TMEM163: variants seen among roughly 807,000 people sequenced by gnomAD.
TMEM163 encodes the protein transmembrane protein 163.
Under a neutral mutation model 29.3 loss-of-function variants are expected in TMEM163, and 17 were observed. The ratio of observed to expected loss-of-function variants is 0.58; its 90% CI spans 0.40 to 0.87. The LOEUF is 0.87. Among genes scored for constraint, TMEM163 ranks in the 40% least tolerant of loss-of-function variants. TMEM163 has a pLI of 0.00. For missense variants in TMEM163, 303 were observed against 381.5 expected (o/e 0.79, Z 1.71); for synonymous variants, 157 against 160.6 (o/e 0.98, Z 0.17).
chr2:134,711,388 T>C (rs1191126296), intron 2 of TMEM163, among the ~76,000 whole-genome samples: 1 of 152,208 alleles, frequency 6.6e-6, no homozygotes, highest in Non-Finnish European at 1.5e-5. Flanking sequence ...ATTTTTTAGT[T>C]TGACTAAACC....
chr2:134,464,639 G>A (rs987729114), intron 6 of TMEM163, among the ~76,000 whole-genome samples: 4 of 152,164 alleles, frequency 2.6e-5, no homozygotes, highest in Admixed American at 1.3e-4. Context: ...CCAAGAGACC[G>A]TGTTGCAGAC....
At chr2:134,491,026 T>G (rs7590049) in intron 5 of TMEM163, among the ~76,000 whole-genome samples, 4,940 of 152,282 alleles carry the variant, frequency 0.032, 285 homozygotes, top group African/African-American at 0.11. Context: ...AACATCTTCT[T>G]TCTTCAAAAG....
intron 4 of TMEM163, among the ~76,000 whole-genome samples, chr2:134,536,673 C>G (rs1680548555): frequency 6.6e-6 from 1 of 152,052 alleles, no homozygotes; most frequent in African/African-American, 2.4e-5. Context: ...TTAAATGAGA[C>G]AGAATACAGA....
At chr2:134,471,330 A>C (rs1369314111) in intron 5 of TMEM163, among the ~76,000 whole-genome samples, 2 of 152,236 alleles carry the variant, frequency 1.3e-5, no homozygotes, top group African/African-American at 4.8e-5. Flanking sequence ...GGGGGACCTC[A>C]TAATGAGACT....
chr2:134,510,357 G>C (rs530272698), intron 4 of TMEM163, among the ~76,000 whole-genome samples: 2 of 152,302 alleles, frequency 1.3e-5, no homozygotes, highest in East Asian at 3.9e-4. Flanking sequence ...AACCTTTGTG[G>C]TGACAGGAAG....
At chr2:134,717,859 G>A (rs1685068338) in intron 1 of TMEM163, among the ~76,000 whole-genome samples, 1 of 152,200 alleles carries the variant, frequency 6.6e-6, no homozygotes, top group Admixed American at 6.5e-5. Context: ...AAGGAAACGC[G>A]GAAGGGATGG....
chr2:134,629,004 T>C (rs529778202), intron 2 of TMEM163, among the ~76,000 whole-genome samples: 33 of 152,374 alleles, frequency 2.2e-4, no homozygotes, highest in Admixed American at 3.3e-4. Flanking sequence ...TACTGTTAGA[T>C]GATCAGCTAG....
chr2:134,645,145 C>T (rs1683305842), intron 2 of TMEM163, among the ~76,000 whole-genome samples: 1 of 152,192 alleles, frequency 6.6e-6, no homozygotes, highest in Admixed American at 6.5e-5. Context: ...GGAACCAGAA[C>T]TCTTATACAT....
chr2:134,653,905 TGA>T (rs1261299640), intron 2 of TMEM163, among the ~76,000 whole-genome samples: 1 of 127,756 alleles, frequency 7.8e-6, no homozygotes, highest in Non-Finnish European at 1.6e-5. Flanking sequence ...CACTGTGGTC[TGA>T]GAGAGAGTTT....
intron 6 of TMEM163, 100 bp from the exon 7 acceptor site, chr2:134,458,273 G>T: frequency 6.9e-7 from 1 of 1,448,380 alleles, no homozygotes; most frequent in Non-Finnish European, 9.5e-7. Flanking sequence ...GCATGTGCTG[G>T]GAGGAATGAT....
intron 2 of TMEM163, among the ~76,000 whole-genome samples, chr2:134,606,961 TG>T (rs1682386350): frequency 7.1e-6 from 1 of 141,152 alleles, no homozygotes; most frequent in Non-Finnish European, 1.5e-5. Flanking sequence ...CCCCGAGAAC[TG>T]TACTGGTGAA....
chr2:134,577,651 T>C (rs1462630406), intron 2 of TMEM163, among the ~76,000 whole-genome samples: 2 of 152,052 alleles, frequency 1.3e-5, no homozygotes, highest in Non-Finnish European at 2.9e-5. Flanking sequence ...TCCGCAGGTG[T>C]TCCCAGGTAC....
At chr2:134,458,614 G>A (rs1405732365) in intron 6 of TMEM163, 4 of 173,968 alleles carry the variant, frequency 2.3e-5, no homozygotes, top group Non-Finnish European at 5.0e-5. Context: ...CAGGACGTGT[G>A]GTTACCTATA....
At chr2:134,519,515 T>C (rs996892151) in intron 4 of TMEM163, among the ~76,000 whole-genome samples, 4 of 151,904 alleles carry the variant, frequency 2.6e-5, no homozygotes, top group Non-Finnish European at 4.4e-5. Context: ...ATCGAGACCA[T>C]CCTGGCTAAC....
intron 5 of TMEM163, among the ~76,000 whole-genome samples, chr2:134,491,975 T>A (rs1049906879): frequency 9.2e-5 from 14 of 152,186 alleles, no homozygotes; most frequent in Admixed American, 5.2e-4. Context: ...TTCCAGAGGT[T>A]TACGTGGTTA....
intron 2 of TMEM163, among the ~76,000 whole-genome samples, chr2:134,609,101 C>T (rs1450872941): frequency 2.1e-4 from 12 of 58,456 alleles, no homozygotes; most frequent in African/African-American, 8.0e-4. Context: ...GGAGGACAGA[C>T]CCCGAGAACT....
intron 2 of TMEM163, among the ~76,000 whole-genome samples, chr2:134,646,260 T>G (rs978461292): frequency 4.0e-5 from 6 of 151,766 alleles, no homozygotes; most frequent in African/African-American, 1.5e-4. Flanking sequence ...AATTTTTCTA[T>G]TTTTAGTAGA....
At position 134,503,786 on chromosome 2, in the gene TMEM163, G is replaced by A. The variant is rs12185601; in HGVS notation, c.459-789C>T. On this transcript the variant is annotated intron_variant, in intron 4 of 7. Coordinates refer to ENST00000281924, the MANE Select transcript of TMEM163 (RefSeq NM_030923.5). ...TGAGAGGACACACAGCTGGGGGTGT[G>A]GCATGGGGACTGGCAAAGAAGGCTA... is the stretch of plus-strand genomic sequence containing the variant. Among the ~76,000 whole-genome samples, 226 of 152,236 alleles carry A rather than the reference G, an allele frequency of 1.5e-3. 2 individuals carry two copies. The highest frequency in any genetic ancestry group is 3.1e-3 in the Admixed American group (48 of 15,302).
intron 2 of TMEM163, among the ~76,000 whole-genome samples, chr2:134,606,989 G>A (rs59745124): frequency 2.9e-3 from 417 of 141,622 alleles, no homozygotes; most frequent in African/African-American, 0.011. Context: ...GACAGACCCC[G>A]AGAACTGTGC....
Sources: allele counts gnomAD v4.1 joint callset (sites outside exome capture counted in the v4.1 genomes callset), GRCh38; gene constraint gnomAD v4.1.1; transcripts MANE v1.5; gene names NCBI Gene and HGNC (gene_info 2026-07-23, HGNC 2026-07-21).